The following NRG3 variants were observed in gnomAD, a reference collection of about 807,000 sequenced individuals.
NRG3 encodes pro-neuregulin-3, membrane-bound isoform.
Under a neutral mutation model 66.9 loss-of-function variants are expected in NRG3, and 31 were observed. The ratio of observed to expected loss-of-function variants is 0.46; its 90% CI spans 0.35 to 0.63. The LOEUF is 0.63. NRG3 is among the 20% of genes least tolerant of loss of function. The probability of loss-of-function intolerance (pLI) is 0.00; values close to 1 mark genes in which losing one functional copy is unlikely to be tolerated. For missense variants in NRG3, 910 were observed against 878.9 expected (o/e 1.04, Z -0.45); for synonymous variants, 393 against 359.4 (o/e 1.09, Z -1.06).
chr10:82,868,400 A>G (rs773455835), intron 4 of NRG3, among the ~76,000 whole-genome samples: 1 of 152,210 alleles, frequency 6.6e-6, no homozygotes, highest in Non-Finnish European at 1.5e-5. Context: ...GATTCTAATC[A>G]TAGCTATAAG....
chr10:82,352,761 GTTA>G (rs2083513970), intron 1 of NRG3, among the ~76,000 whole-genome samples: 1 of 151,972 alleles, frequency 6.6e-6, no homozygotes, highest in African/African-American at 2.4e-5. Flanking sequence ...GTGGGGGGCA[GTTA>G]TTATGTATGA....
intron 2 of NRG3, among the ~76,000 whole-genome samples, chr10:82,486,882 C>A (rs557852026): frequency 6.6e-6 from 1 of 152,082 alleles, no homozygotes; most frequent in Admixed American, 6.5e-5. Flanking sequence ...GCCGAACCCA[C>A]AGAAGCAGAA....
chr10:82,757,637 C>A (rs1442527716), intron 3 of NRG3, among the ~76,000 whole-genome samples: 1 of 152,034 alleles, frequency 6.6e-6, no homozygotes, highest in Non-Finnish European at 1.5e-5. Context: ...GTGATCATAT[C>A]ATTGTCATCC....
At chr10:82,215,963 C>CTTTTTTTTTTTT (rs71894841) in intron 1 of NRG3, among the ~76,000 whole-genome samples, 1 of 89,720 alleles carries the variant, frequency 1.1e-5, no homozygotes, top group Non-Finnish European at 2.1e-5. Context: ...TTATGTTTTC[C>CTTTTTTTTTTTT]TTTTTTTTTT....
chr10:82,359,662 A>G (rs760091712), intron 2 of NRG3, among the ~76,000 whole-genome samples: 1 of 152,168 alleles, frequency 6.6e-6, no homozygotes, highest in Non-Finnish European at 1.5e-5. Context: ...TACCCTGGTA[A>G]TTTGTTTTTC....
At chr10:82,521,563 A>G (rs978301359) in intron 2 of NRG3, among the ~76,000 whole-genome samples, 17 of 152,154 alleles carry the variant, frequency 1.1e-4, no homozygotes, top group African/African-American at 4.1e-4. Flanking sequence ...GATGGTCTCA[A>G]TCTCCTGACC....
chr10:82,420,890 G>T (rs2089013850), intron 2 of NRG3, among the ~76,000 whole-genome samples: 1 of 152,134 alleles, frequency 6.6e-6, no homozygotes, highest in East Asian at 1.9e-4. Flanking sequence ...ATAAGTGACT[G>T]TAGCTAGATT....
At chr10:82,729,919 T>C (rs964730607) in intron 2 of NRG3, among the ~76,000 whole-genome samples, 1 of 152,134 alleles carries the variant, frequency 6.6e-6, no homozygotes, top group Non-Finnish European at 1.5e-5. Context: ...TTTCCTTTTT[T>C]GTGGCTCAAA....
chr10:82,587,767 A>G (rs1404203253), intron 2 of NRG3, among the ~76,000 whole-genome samples: 1 of 152,178 alleles, frequency 6.6e-6, no homozygotes, highest in Non-Finnish European at 1.5e-5. Context: ...TTTGAGTGAC[A>G]TTTTTCAACC....
intron 1 of NRG3, among the ~76,000 whole-genome samples, chr10:81,910,535 A>G (rs1183136726): frequency 6.6e-6 from 1 of 151,390 alleles, no homozygotes; most frequent in African/African-American, 2.5e-5. Context: ...CTTAGTGATA[A>G]CAATTCTTAG....
chr10:82,375,378 A>T (rs912341784), intron 2 of NRG3, among the ~76,000 whole-genome samples: 1 of 152,090 alleles, frequency 6.6e-6, no homozygotes, highest in Non-Finnish European at 1.5e-5. Flanking sequence ...TCTATTAAAA[A>T]TACAAAAAAT....
intron 3 of NRG3, among the ~76,000 whole-genome samples, chr10:82,836,522 GA>G (rs1355655139): frequency 6.6e-6 from 1 of 152,052 alleles, no homozygotes; most frequent in African/African-American, 2.4e-5. Context: ...ACACTTGGCA[GA>G]AAAAACTTCA....
At chr10:82,055,352 C>T (rs1457673812) in intron 1 of NRG3, among the ~76,000 whole-genome samples, 1 of 151,656 alleles carries the variant, frequency 6.6e-6, no homozygotes, top group Non-Finnish European at 1.5e-5. Flanking sequence ...TGACAGGCGC[C>T]TGTAATCTCA....
intron 1 of NRG3, among the ~76,000 whole-genome samples, chr10:81,958,588 C>T (rs555227618): frequency 7.9e-5 from 12 of 152,220 alleles, no homozygotes; most frequent in African/African-American, 2.6e-4. Context: ...GCGTAAAGTA[C>T]AGATATACAT....
At chr10:82,762,158 T>C (rs1359816840) in intron 3 of NRG3, among the ~76,000 whole-genome samples, 4 of 151,652 alleles carry the variant, frequency 2.6e-5, no homozygotes, top group Non-Finnish European at 5.9e-5. Flanking sequence ...AGCTAGGTTT[T>C]TGGATTGTTT....
intron 2 of NRG3, among the ~76,000 whole-genome samples, chr10:82,399,971 T>C (rs906283528): frequency 6.6e-6 from 1 of 152,180 alleles, no homozygotes; most frequent in Non-Finnish European, 1.5e-5. Flanking sequence ...ATTCAACAAA[T>C]ACCTGCTCTC....
chr10:81,960,207 T>G (rs529398226), intron 1 of NRG3, among the ~76,000 whole-genome samples: 1 of 152,292 alleles, frequency 6.6e-6, no homozygotes, highest in African/African-American at 2.4e-5. Flanking sequence ...TATAGTTTTA[T>G]TGTGTTTCAG....
chr10:82,650,231 C>T (rs2051303454), intron 2 of NRG3, among the ~76,000 whole-genome samples: 1 of 152,044 alleles, frequency 6.6e-6, no homozygotes, highest in Non-Finnish European at 1.5e-5. Flanking sequence ...GTATATTTCC[C>T]ACCCTTAATA....
chr10:82,083,601 T>A (rs1419868734), intron 1 of NRG3, among the ~76,000 whole-genome samples: 7 of 150,222 alleles, frequency 4.7e-5, no homozygotes, highest in African/African-American at 1.5e-4. Flanking sequence ...GTTAATTTTT[T>A]TTTTTTTTTT....
Sources: gnomAD v4.1 joint callset for allele counts (sites outside exome capture counted in the v4.1 genomes callset) on GRCh38, gnomAD v4.1.1 for gene constraint, MANE v1.5 for transcripts, NCBI Gene and HGNC (gene_info 2026-07-23, HGNC 2026-07-21) for gene names.